Variants in DYSF observed in about 807,000 individuals in gnomAD.
The protein encoded by DYSF is dystrophy-associated fer-1-like 1.
DYSF carries 212 observed loss-of-function variants against 274.9 expected under a neutral mutation model. The ratio of observed to expected loss-of-function variants is 0.77; its 90% CI spans 0.69 to 0.86. The LOEUF is 0.86. Among genes scored for constraint, DYSF ranks in the 40% least tolerant of loss-of-function variants. The pLI is 0.00. For synonymous variants in DYSF, 1,091 were observed against 1,078.7 expected, an observed-to-expected ratio of 1.01 and a Z score of -0.22; for missense variants, 2,666 against 2,783.2, an observed-to-expected ratio of 0.96 and a Z score of 0.95.
intron 52 of DYSF, among the ~76,000 whole-genome samples, chr2:71,676,929 A>ATGTG (rs3055157): frequency 0.61 from 91,007 of 150,028 alleles, 27,686 homozygotes; most frequent in Non-Finnish European, 0.65. Context: ...ATGTGTGTGT[A>ATGTG]TGTGTGTGTG....
intron 17 of DYSF, among the ~76,000 whole-genome samples, chr2:71,545,682 T>G (rs1417398243): frequency 6.6e-6 from 1 of 152,162 alleles, no homozygotes; most frequent in Admixed American, 6.5e-5. Flanking sequence ...GGGGGCACAC[T>G]GTGGCATTTC....
intron 23 of DYSF, among the ~76,000 whole-genome samples, chr2:71,563,695 C>A (rs149718417): frequency 4.5e-4 from 69 of 152,258 alleles, no homozygotes; most frequent in Middle Eastern, 3.4e-3. Flanking sequence ...AAATCTAGTT[C>A]TCTGATGTTT....
chr2:71,644,242 C>T (rs759347282), intron 42 of DYSF, among the ~76,000 whole-genome samples, 179 bp downstream of exon 42: 2 of 152,076 alleles, frequency 1.3e-5, no homozygotes, highest in Non-Finnish European at 2.9e-5. Context: ...ATTTACAGCC[C>T]GAAGCAAGTG....
At chr2:71,460,288 C>T (rs947839145) in intron 1 of DYSF, among the ~76,000 whole-genome samples, 2 of 152,162 alleles carry the variant, frequency 1.3e-5, no homozygotes, top group African/African-American at 2.4e-5. Context: ...GAAAGGGGGC[C>T]GGGGAGGCGT....
rs549091722 is a variant in DYSF at position 71,480,080 on chromosome 2, TC to T, written c.92-800del. ...ATCAATCACGTCCCCATTTCTATTT[TC>T]CCTTTCCCTTCTCTTAGCCCCTGGA... On this transcript the variant is annotated intron_variant, in intron 1 of 55. Coordinates refer to ENST00000410020, the MANE Select transcript of DYSF (RefSeq NM_001130987.2). Among the ~76,000 whole-genome samples, 345 of 152,288 alleles carry T rather than the reference TC, an allele frequency of 2.3e-3. 2 individuals are homozygous for T. The highest frequency in any genetic ancestry group is 7.9e-3 in the African/African-American group (327 of 41,544).
rs576684910 is a variant in DYSF at position 71,487,701 on chromosome 2, G to A, written c.239+5731G>A. On this transcript the variant is annotated intron_variant, in intron 3 of 55. Coordinates refer to ENST00000410020, the MANE Select transcript of DYSF (RefSeq NM_001130987.2). Reference sequence around the variant, plus strand: ...TTTTTGTGTTTTTAGTAGAGACAGGGTTTCACCCTGTTGGTCAGGCTGGTC... The same window carrying A: ...TTTTTGTGTTTTTAGTAGAGACAGGATTTCACCCTGTTGGTCAGGCTGGTC... Among the ~76,000 whole-genome samples, 9 of 152,242 alleles carry A rather than the reference G, an allele frequency of 5.9e-5. No homozygotes were observed. The South Asian group carries it at 1.9e-3, about 32-fold the overall frequency.
At chr2:71,679,290 G>C (rs951407368) in intron 53 of DYSF, 55 bp downstream of exon 53, 1 of 1,550,418 alleles carries the variant, frequency 6.4e-7, no homozygotes, top group Non-Finnish European at 8.8e-7. Flanking sequence ...TTCTTCCATA[G>C]AAATTGTCAG....
intron 47 of DYSF, among the ~76,000 whole-genome samples, 161 bp from the exon 48 acceptor site, chr2:71,667,215 A>G (rs1302475816): frequency 2.0e-5 from 3 of 152,158 alleles, no homozygotes; most frequent in Non-Finnish European, 4.4e-5. Context: ...CAAAAGTGAG[A>G]CATGAGGACC....
chr2:71,479,943 A>C (rs1178394480), intron 1 of DYSF, among the ~76,000 whole-genome samples: 1 of 152,246 alleles, frequency 6.6e-6, no homozygotes, highest in East Asian at 1.9e-4. Context: ...CCATTTGAAC[A>C]ATTTCCACAT....
intron 40 of DYSF, among the ~76,000 whole-genome samples, chr2:71,618,167 TGTGGTAGAGGTGGGGTATAA>T (rs2152888109): frequency 2.2e-5 from 2 of 89,678 alleles, no homozygotes; most frequent in Non-Finnish European, 4.4e-5. Flanking sequence ...TGTGTGTGTG[TGTGGTAGAGGTGGGGTATAA>T]GTGTGTGTGG....
At chr2:71,620,869 G>A (rs1226893681) in intron 41 of DYSF, among the ~76,000 whole-genome samples, 2 of 152,092 alleles carry the variant, frequency 1.3e-5, no homozygotes, top group Non-Finnish European at 2.9e-5. Context: ...TGGGGGCTTA[G>A]GTGGGGCTGC....
intron 17 of DYSF, among the ~76,000 whole-genome samples, chr2:71,541,194 A>G (rs1334710235): frequency 6.6e-6 from 1 of 152,192 alleles, no homozygotes; most frequent in Non-Finnish European, 1.5e-5. Flanking sequence ...AACAGTTTCT[A>G]TAACACAAGA....
Position 71,528,164 on chromosome 2 carries a change from C to T in DYSF, c.1277-134C>T. On this transcript the variant is annotated intron_variant, in intron 13 of 55. Coordinates refer to ENST00000410020, the MANE Select transcript of DYSF (RefSeq NM_001130987.2). ...GTCCTCCTTCTGGGGAGCCCCTGGG[C>T]TGAGTCCCTGTGTGAAGGGGCCAAA... 5.1e-6 allele frequency: 4 copies of T among 780,890 alleles called. No individual in the cohort carries two copies. In the South Asian group the frequency reaches 5.9e-5, roughly 11 times the overall value. The allele number at this position is 780,890 out of a possible 1,614,324, so 48.4% of individuals were successfully genotyped here.
chr2:71,575,144 G>A (rs1240431577), intron 30 of DYSF, among the ~76,000 whole-genome samples: 1 of 152,190 alleles, frequency 6.6e-6, no homozygotes, highest in Non-Finnish European at 1.5e-5. Context: ...TTGGGGTCAG[G>A]CTGGGCACCT....
chr2:71,510,623 A>C (rs970354871), intron 4 of DYSF, among the ~76,000 whole-genome samples: 1 of 152,082 alleles, frequency 6.6e-6, no homozygotes, highest in Non-Finnish European at 1.5e-5. Context: ...TCAAGAGCTG[A>C]GTATGTCGGG....
intron 3 of DYSF, among the ~76,000 whole-genome samples, chr2:71,486,558 T>C (rs1418129648): frequency 6.6e-6 from 1 of 152,160 alleles, no homozygotes; most frequent in Non-Finnish European, 1.5e-5. Flanking sequence ...AGGGTGATCT[T>C]GTTAAACCAG....
At chr2:71,654,419 T>C (rs974395501) in intron 42 of DYSF, among the ~76,000 whole-genome samples, 1 of 152,160 alleles carries the variant, frequency 6.6e-6, no homozygotes, top group Non-Finnish European at 1.5e-5. Context: ...TAAAGATGAA[T>C]TTAAACAAGT....
At chr2:71,659,695 CTGTCTCCCTCTAGTCAT>C (rs1254306936) in intron 44 of DYSF, among the ~76,000 whole-genome samples, 1 of 152,188 alleles carries the variant, frequency 6.6e-6, no homozygotes, top group Non-Finnish European at 1.5e-5. Flanking sequence ...AGTGCGTGAG[CTGTCTCCCTCTAGTCAT>C]TGCCTGAGAT....
chr2:71,505,340 G>C (rs4606960), intron 4 of DYSF, among the ~76,000 whole-genome samples: 85,241 of 152,090 alleles, frequency 0.56, 25,331 homozygotes, highest in Non-Finnish European at 0.66. Flanking sequence ...CGCTCACTGA[G>C]ACCTCATTTC....
Sources: gnomAD v4.1 joint callset for allele counts (sites outside exome capture counted in the v4.1 genomes callset) on GRCh38, gnomAD v4.1.1 for gene constraint, MANE v1.5 for transcripts, NCBI Gene and HGNC (gene_info 2026-07-23, HGNC 2026-07-21) for gene names.